The following SMCHD1 variants were observed in gnomAD, a reference collection of about 807,000 sequenced individuals.
SMCHD1 encodes structural maintenance of chromosomes flexible hinge domain containing 1, also known as structural maintenance of chromosomes flexible hinge domain-containing protein 1.
SMCHD1 carries 78 observed loss-of-function variants against 254.7 expected under a neutral mutation model. That is an observed-to-expected ratio of 0.31 (90% CI 0.26 to 0.37). The LOEUF (loss-of-function observed/expected upper bound fraction) is 0.37, where lower values mean the gene tolerates loss of function less well. SMCHD1 is among the 10% of genes least tolerant of loss of function. SMCHD1 has a pLI of 1.00. For missense variants in SMCHD1, 1,840 were observed against 2,408.1 expected (o/e 0.76, Z 4.94); for synonymous variants, 766 against 794.9 (o/e 0.96, Z 0.61).
chr18:2,717,691 T>A (rs1324800968), intron 17 of SMCHD1, among the ~76,000 whole-genome samples: 1 of 152,202 alleles, frequency 6.6e-6, no homozygotes, highest in Non-Finnish European at 1.5e-5. Flanking sequence ...TTGTACTGTT[T>A]CCAAGTGGGT....
rs746740103 is a variant in SMCHD1 at position 2,771,568 on chromosome 18, T to G, written c.5002T>G (p.Leu1668Val). ...AGAAGCAAGATTAAAAGAGGCCCAA[T>G]TGCGAAATGAACTAAAAATACATAA... ...VEEARLKEAQ[L>V]RNELKIHNID... is the part of the protein sequence containing the mutation. Residue 1668 changes from leucine to valine, a missense_variant, in exon 40 of 48, where the codon TTG (leucine) becomes GTG (valine). Transcript: ENST00000320876. 6.4e-7 allele frequency: 1 copy of G among 1,567,262 alleles called. No homozygotes were observed. The highest frequency in any genetic ancestry group is 1.4e-5 in the African/African-American group (1 of 71,496).
At chr18:2,791,643 C>T (rs1173528049) in intron 45 of SMCHD1, among the ~76,000 whole-genome samples, 2 of 152,192 alleles carry the variant, frequency 1.3e-5, no homozygotes, top group Non-Finnish European at 2.9e-5. Flanking sequence ...AAATAGGAAT[C>T]AACCGAAGTA....
chr18:2,786,060 C>CTGGA (rs2076235367), intron 45 of SMCHD1, among the ~76,000 whole-genome samples: 1 of 152,034 alleles, frequency 6.6e-6, no homozygotes, highest in South Asian at 2.1e-4. Context: ...GTCACCTAGG[C>CTGGA]TGGAGTGCAG....
intron 2 of SMCHD1, among the ~76,000 whole-genome samples, chr18:2,666,653 C>T (rs2073446870): frequency 6.6e-6 from 1 of 152,116 alleles, no homozygotes; most frequent in Non-Finnish European, 1.5e-5. Flanking sequence ...GATAGTTTAA[C>T]TTATTAAGAA....
intron 45 of SMCHD1, among the ~76,000 whole-genome samples, chr18:2,787,639 C>A (rs2076260479): frequency 6.6e-6 from 1 of 152,120 alleles, no homozygotes; most frequent in African/African-American, 2.4e-5. Flanking sequence ...GTTCCCAAAA[C>A]CAGAAAGAAT....
At chr18:2,692,110 A>T (rs1314921882) in intron 7 of SMCHD1, among the ~76,000 whole-genome samples, 2 of 152,162 alleles carry the variant, frequency 1.3e-5, no homozygotes, top group African/African-American at 4.8e-5. Flanking sequence ...TTGCCTTCCA[A>T]CCTCTGCAGC....
Position 2,679,480 on chromosome 18 carries a change from CAAAA to C in SMCHD1, c.638+5351_638+5354del, listed in dbSNP as rs59034633. Among the ~76,000 whole-genome samples, 40 of 58,698 alleles carry C rather than the reference CAAAA, an allele frequency of 6.8e-4. 1 individual carries two copies. The East Asian group carries it at 8.0e-3, about 12-fold the overall frequency. The allele number at this position is 58,698 out of a possible 152,430, so 38.5% of individuals were successfully genotyped here. ...GGGTGACAGAGCGAGACTCCATCTC[CAAAA>C]AAAAAAAAAAAAAAAGGAACTCTTG... On this transcript the variant is annotated intron_variant, in intron 5 of 47. Transcript: ENST00000320876.
intron 19 of SMCHD1, among the ~76,000 whole-genome samples, chr18:2,722,257 A>G (rs944749547): frequency 3.2e-4 from 49 of 152,150 alleles, no homozygotes; most frequent in African/African-American, 1.1e-3. Flanking sequence ...GGGCAACATG[A>G]TGAGACCCTG....
chr18:2,658,834 G>A (rs2073152328), intron 1 of SMCHD1, among the ~76,000 whole-genome samples: 1 of 150,184 alleles, frequency 6.7e-6, no homozygotes, highest in Admixed American at 6.7e-5. Context: ...ATGTGTGTGT[G>A]TATATATATG....
chr18:2,767,727 C>T (rs577907733), intron 37 of SMCHD1, among the ~76,000 whole-genome samples: 1 of 151,334 alleles, frequency 6.6e-6, no homozygotes, highest in African/African-American at 2.4e-5. Context: ...GTAGCTGGGA[C>T]TACAGGCGCG....
intron 1 of SMCHD1, among the ~76,000 whole-genome samples, chr18:2,663,770 A>G (rs1300548803): frequency 6.6e-6 from 1 of 150,866 alleles, no homozygotes. Flanking sequence ...GCTGGAGTGC[A>G]GTGGCGCGAT....
Position 2,666,314 on chromosome 18 carries a change from T to C in SMCHD1, c.262+82T>C, listed in dbSNP as rs778431052. 1.3e-5 allele frequency: 8 copies of C among 636,736 alleles called. No individual in the cohort carries two copies. The South Asian group carries it at 1.8e-4, about 14-fold the overall frequency. 39.4% of individuals were successfully genotyped at this position (636,736 alleles called of 1,614,324 possible). A position where few individuals can be genotyped will look rare whatever the true frequency, so the allele number is the denominator to read the frequency against. ...ATATAGCAATAACTTTTATTAGATA[T>C]GCATCTAAATCTGTTGATGACTTTT... On this transcript the variant is annotated intron_variant, in intron 2 of 47. Transcript: ENST00000320876.
chr18:2,770,715 A>G (rs1029345078), intron 39 of SMCHD1, among the ~76,000 whole-genome samples: 2 of 151,946 alleles, frequency 1.3e-5, no homozygotes, highest in African/African-American at 2.4e-5. Context: ...CTGCCTCCCA[A>G]GTTCAAGTGA....
At chr18:2,758,237 T>C (rs556090934) in intron 34 of SMCHD1, among the ~76,000 whole-genome samples, 5 of 152,312 alleles carry the variant, frequency 3.3e-5, no homozygotes, top group African/African-American at 1.2e-4. Context: ...TTTCCTGTTT[T>C]CCTTTTTGAT....
intron 5 of SMCHD1, among the ~76,000 whole-genome samples, chr18:2,685,094 A>ATTTTTT (rs372694951): frequency 0.022 from 1,813 of 81,846 alleles, 239 homozygotes; most frequent in Non-Finnish European, 0.027. Context: ...TCTGTCCCTT[A>ATTTTTT]TTTTTTTCTT....
At chr18:2,724,549 G>T (rs1482738874) in intron 20 of SMCHD1, among the ~76,000 whole-genome samples, 2 of 152,060 alleles carry the variant, frequency 1.3e-5, no homozygotes, top group Admixed American at 1.3e-4. Context: ...CCTTAAACCT[G>T]GCTTCTTTAG....
At chr18:2,790,621 C>T (rs1381601737) in intron 45 of SMCHD1, among the ~76,000 whole-genome samples, 1 of 151,948 alleles carries the variant, frequency 6.6e-6, no homozygotes, top group East Asian at 1.9e-4. Context: ...ATTAGCTGGG[C>T]GTAGTGGCAC....
chr18:2,741,696 G>A (rs1034542066), intron 28 of SMCHD1, among the ~76,000 whole-genome samples: 3 of 152,184 alleles, frequency 2.0e-5, no homozygotes, highest in South Asian at 2.1e-4. Flanking sequence ...CACCCTACAC[G>A]TAGATGAAAT....
At chr18:2,742,632 C>G (rs1389295614) in intron 28 of SMCHD1, among the ~76,000 whole-genome samples, 3 of 152,214 alleles carry the variant, frequency 2.0e-5, no homozygotes, top group South Asian at 2.1e-4. Flanking sequence ...TTCTACAGAT[C>G]ATTGTTTGAG....
Sources: gnomAD v4.1 joint callset for allele counts (sites outside exome capture counted in the v4.1 genomes callset) on GRCh38, gnomAD v4.1.1 for gene constraint, MANE v1.5 for transcripts, NCBI Gene and HGNC (gene_info 2026-07-23, HGNC 2026-07-21) for gene names.